Variants in ZNF124 observed in about 807,000 individuals in gnomAD.
ZNF124 encodes the protein zinc finger protein HZF-16.
Under a neutral mutation model 26.6 loss-of-function variants are expected in ZNF124, and 25 were observed. That is an observed-to-expected ratio of 0.94 (90% confidence interval 0.68 to 1.31). ZNF124 has a LOEUF of 1.31. ZNF124 is among the 40% of genes most tolerant of loss of function. The probability of loss-of-function intolerance (pLI) is 0.00; values close to 1 mark genes in which losing one functional copy is unlikely to be tolerated. For synonymous variants in ZNF124, 129 were observed against 133.3 expected (o/e 0.97, Z 0.22); for missense variants, 444 against 422.2 (o/e 1.05, Z -0.45).
chr1:247,165,870 T>C (rs1673751080), intron 1 of ZNF124, among the ~76,000 whole-genome samples: 1 of 152,188 alleles, frequency 6.6e-6, no homozygotes, highest in South Asian at 2.1e-4. Flanking sequence ...CCAGTCATAA[T>C]GCTGTTACTA....
At chr1:247,149,096 C>T (rs1672860738) in intron 3 of ZNF124, among the ~76,000 whole-genome samples, 1 of 152,144 alleles carries the variant, frequency 6.6e-6, no homozygotes, top group Non-Finnish European at 1.5e-5. Context: ...GGCCTTTGAC[C>T]TGAAGATACA....
chr1:247,133,653 CT>C (rs1163588323), intron 3 of ZNF124, among the ~76,000 whole-genome samples: 1,492 of 127,134 alleles, frequency 0.012, 5 homozygotes, highest in African/African-American at 0.013. Context: ...ATTCAATATT[CT>C]TTTTTTTTTT....
rs571694043 is a variant in ZNF124, at chr1:247,147,529, C to CT, written c.218+11476dup. The stretch of plus-strand genomic sequence containing the variant: ...CGTGAGCCACTGCGCCTGGCTGCTT[C>CT]TTTAACTTTTTGAAGCACAGTCTCA... On this transcript the variant is annotated intron_variant, in intron 3 of 3. Coordinates refer to the ZNF124 transcript ENST00000472531. 2.3e-3 allele frequency among the ~76,000 whole-genome samples: 346 copies of CT among 152,210 alleles called. 1 individual carries two copies. The highest frequency in any genetic ancestry group is 3.8e-3 in the Non-Finnish European group (261 of 68,000).
intron 2 of ZNF124, 149 bp from the exon 3 acceptor site, chr1:247,159,215 T>G: frequency 1.5e-6 from 1 of 662,766 alleles, no homozygotes; most frequent in South Asian, 2.2e-5. Flanking sequence ...GTTTGTGTTA[T>G]GGGTACAGAT....
At chr1:247,163,495 G>A (rs1220634207) in intron 1 of ZNF124, among the ~76,000 whole-genome samples, 1 of 150,638 alleles carries the variant, frequency 6.6e-6, no homozygotes, top group Non-Finnish European at 1.5e-5. Context: ...ATCCCTCAGA[G>A]GCTATTATTA....
chr1:247,138,474 G>C (rs902013750), intron 3 of ZNF124: 1 of 297,490 alleles, frequency 3.4e-6, no homozygotes, highest in Non-Finnish European at 6.2e-6. Context: ...TGGGGGTTGG[G>C]GGGTGAGGGG....
chr1:247,157,856 G>A (rs1347492269), intron 3 of ZNF124, among the ~76,000 whole-genome samples: 9 of 152,000 alleles, frequency 5.9e-5, no homozygotes, highest in African/African-American at 1.9e-4. Context: ...CCTGGTGTGA[G>A]GTGCTTGGGT....
rs1296368434 is a variant in ZNF124 at position 247,170,376 on chromosome 1, G to A, written c.30+1472C>T. Reference sequence around the variant, plus strand: ...TGAAGTTGGAGTTTGAGAGTATGAGGAAGAAACTGGAAATTTAGAATTTTA... The same window carrying A: ...TGAAGTTGGAGTTTGAGAGTATGAGAAAGAAACTGGAAATTTAGAATTTTA... On this transcript the variant is annotated intron_variant, in intron 1 of 3. Transcript: ENST00000543802. Among the ~76,000 whole-genome samples the A allele has an allele frequency of 2.1e-5, 3 of 143,076 alleles. 1 individual carries two copies. Among genetic ancestry groups the A allele is most frequent in the Admixed American group, 1.4e-4 (2 of 13,884 alleles). The allele number at this position is 143,076 out of a possible 152,430, so 93.9% of individuals were successfully genotyped here.
Position 247,157,155 on chromosome 1 carries a change from C to T in ZNF124, c.467G>A (p.Gly156Glu), listed in dbSNP as rs1254605276. The T allele has an allele frequency of 1.2e-6, 2 of 1,614,058 alleles. No homozygotes were observed. Among genetic ancestry groups the T allele is most frequent in the Non-Finnish European group, 1.7e-6 (2 of 1,179,960 alleles). Residue 156 changes from glycine (G) to glutamate (E), a missense_variant, in exon 4 of 4, where the codon GGG becomes GAG. Physicochemically the swap from Gly to Glu is moderately conservative, Grantham distance 98. Transcript: ENST00000543802. ...AGAACGGGAAAAACCTAAGGCTTTC[C>T]CACATTCCATACATTCATAGGGTTT... ...GEKPYECMECGKALGFSRSLN... is the reference protein window; with the variant it reads ...GEKPYECMECEKALGFSRSLN...
At chr1:247,137,487 C>CAAAAATAAAAAAAAAAAA (rs1672512189) in intron 3 of ZNF124, among the ~76,000 whole-genome samples, 1 of 81,634 alleles carries the variant, frequency 1.2e-5, no homozygotes, top group Non-Finnish European at 2.4e-5. Context: ...ACTAAAAATA[C>CAAAAATAAAAAAAAAAAA]AAAAAAAAAA....
intron 3 of ZNF124, among the ~76,000 whole-genome samples, chr1:247,136,204 G>C (rs1336015817): frequency 1.3e-5 from 2 of 152,270 alleles, no homozygotes; most frequent in Admixed American, 6.5e-5. Context: ...AATAGGAAGA[G>C]AGGAAGTCTG....
chr1:247,136,251 A>G (rs1463035766), intron 3 of ZNF124, among the ~76,000 whole-genome samples: 4 of 152,052 alleles, frequency 2.6e-5, no homozygotes, highest in African/African-American at 9.7e-5. Flanking sequence ...GAAAAACCCC[A>G]TCATCTCAGC....
chr1:247,131,371 C>T (rs61854863), intron 3 of ZNF124, among the ~76,000 whole-genome samples: 7,964 of 152,280 alleles, frequency 0.052, 299 homozygotes, highest in South Asian at 0.19. Context: ...AACCCTGGAA[C>T]GCCCAGATTC....
At chr1:247,164,140 T>C (rs1371892432) in intron 1 of ZNF124, among the ~76,000 whole-genome samples, 3 of 152,160 alleles carry the variant, frequency 2.0e-5, no homozygotes, top group Admixed American at 6.5e-5. Context: ...CGGAGAAACA[T>C]ACTTCAAAAT....
chr1:247,156,481 G>C lies in ZNF124; in HGVS notation c.*85C>G. The C allele has an allele frequency of 7.3e-7, 1 of 1,364,830 alleles. No homozygotes were observed. The highest frequency in any genetic ancestry group is 9.5e-7 in the Non-Finnish European group (1 of 1,054,664). The allele number at this position is 1,364,830 out of a possible 1,614,324, so 84.5% of individuals were successfully genotyped here. ...ATTTGAGGAAATCTGGGAAAATTAAGTACTTTCCTACACCTTACATTCACA... is the reference window on the plus strand; with the variant it reads ...ATTTGAGGAAATCTGGGAAAATTAACTACTTTCCTACACCTTACATTCACA... On this transcript the variant is annotated 3_prime_UTR_variant, in exon 4 of 4. Coordinates refer to ENST00000543802, the MANE Select transcript of ZNF124 (RefSeq NM_001297568.2).
At chr1:247,123,974 A>G (rs148833748) in intron 3 of ZNF124, 17 of 689,346 alleles carry the variant, frequency 2.5e-5, no homozygotes, top group Admixed American at 8.2e-5. Context: ...GACTACAGGC[A>G]CCCGCCACCA....
intron 1 of ZNF124, among the ~76,000 whole-genome samples, chr1:247,162,163 T>G (rs553487286): frequency 6.6e-6 from 1 of 152,224 alleles, no homozygotes; most frequent in South Asian, 2.1e-4. Context: ...AAAACACACG[T>G]AAGTACATAG....
intron 1 of ZNF124, among the ~76,000 whole-genome samples, chr1:247,162,618 C>CAAA (rs201609845): frequency 2.5e-5 from 2 of 78,546 alleles, no homozygotes; most frequent in African/African-American, 4.0e-5. Context: ...TAACCCTTGG[C>CAAA]AAAAAAAAAA....
chr1:247,128,126 T>G (rs1265402321), intron 3 of ZNF124, among the ~76,000 whole-genome samples: 4 of 152,222 alleles, frequency 2.6e-5, no homozygotes, highest in African/African-American at 9.6e-5. Flanking sequence ...TTATTTGTTC[T>G]TTATTGTGCA....
Sources: gnomAD v4.1 joint callset for allele counts (sites outside exome capture counted in the v4.1 genomes callset) on GRCh38, gnomAD v4.1.1 for gene constraint, MANE v1.5 for transcripts, NCBI Gene and HGNC (gene_info 2026-07-23, HGNC 2026-07-21) for gene names.